METTL6: variants seen among roughly 807,000 people sequenced by gnomAD.
METTL6 encodes the protein tRNA N(3)-cytidine methyltransferase METTL6.
METTL6 carries 22 observed loss-of-function variants against 26.4 expected under a neutral mutation model. That is an observed-to-expected ratio of 0.83 (90% CI 0.59 to 1.19). The LOEUF is 1.19. METTL6 is among the 50% of genes most tolerant of loss of function. The pLI, the probability that METTL6 is intolerant of heterozygous loss-of-function variation, is 0.00. For synonymous variants in METTL6, 109 were observed against 116.2 expected (o/e 0.94, Z 0.40); for missense variants, 304 against 324.8 (o/e 0.94, Z 0.49).
At chr3:15,426,144 T>C (rs2061716330) in intron 2 of METTL6, 143 bp downstream of exon 2, 1 of 725,580 alleles carries the variant, frequency 1.4e-6, no homozygotes, top group Non-Finnish European at 2.3e-6. Flanking sequence ...TTTCATCATG[T>C]TGGCCAGGAT....
intron 6 of METTL6, among the ~76,000 whole-genome samples, chr3:15,396,253 C>G (rs1482080686): frequency 3.3e-5 from 5 of 152,134 alleles, no homozygotes; most frequent in Non-Finnish European, 7.3e-5. Context: ...TCTTCCATCA[C>G]TGATACCCTT....
chr3:15,417,981 A>T (rs1352895744), intron 3 of METTL6, among the ~76,000 whole-genome samples: 2 of 152,206 alleles, frequency 1.3e-5, no homozygotes, highest in African/African-American at 4.8e-5. Flanking sequence ...CCAAGAGAGG[A>T]GACAAAAACA....
At chr3:15,383,794 C>A (rs1699126291) in exon 7 of METTL6, 2 of 152,368 alleles carry the variant, frequency 1.3e-5, no homozygotes, top group Non-Finnish European at 2.9e-5. Context: ...CTTAAGCCAG[C>A]AGGGATGAAA....
intron 6 of METTL6, among the ~76,000 whole-genome samples, chr3:15,386,147 C>T (rs1376610968): frequency 6.6e-6 from 1 of 152,154 alleles, no homozygotes; most frequent in African/African-American, 2.4e-5. Context: ...GGGCAATTTC[C>T]AGAACTGAGG....
intron 3 of METTL6, among the ~76,000 whole-genome samples, chr3:15,420,218 T>C (rs890086758): frequency 6.6e-6 from 1 of 152,156 alleles, no homozygotes; most frequent in Non-Finnish European, 1.5e-5. Context: ...GTAAATAAAA[T>C]CTACATGTAC....
At chr3:15,413,613 A>G (rs948950190) in intron 5 of METTL6, 4 of 1,175,160 alleles carry the variant, frequency 3.4e-6, no homozygotes, top group Non-Finnish European at 4.3e-6. Context: ...GATCCAATCA[A>G]TTCTACAGAA....
At chr3:15,389,624 A>C (rs1211250155) in intron 6 of METTL6, among the ~76,000 whole-genome samples, 1 of 152,084 alleles carries the variant, frequency 6.6e-6, no homozygotes, top group East Asian at 1.9e-4. Flanking sequence ...ATCTCGGCTC[A>C]CCACAACCTC....
At chr3:15,422,288 T>G (rs1413693194) in intron 3 of METTL6, among the ~76,000 whole-genome samples, 1 of 152,042 alleles carries the variant, frequency 6.6e-6, no homozygotes, top group East Asian at 1.9e-4. Flanking sequence ...ACTGTGCAAC[T>G]GCACTCCATC....
Position 15,415,843 on chromosome 3 carries a change from C to T in METTL6, c.460G>A (p.Val154Ile). Residue 154 changes from valine (V) to isoleucine (I), a missense_variant, in exon 4 of 6, where the codon GTT becomes ATT. Physicochemically the swap from Val to Ile is conservative, Grantham distance 29. Coordinates refer to ENST00000383790, the MANE Select transcript of METTL6 (RefSeq NM_152396.4). ...DHVPPESVDV[V>I]MLIFVLSAVH... ...GCTGACAGCACAAATATCAACATAA[C>T]AACATCCACAGACTCTGGCGGTACA... 1.2e-6 allele frequency: 2 copies of T among 1,614,160 alleles called. No individual in the cohort carries two copies. Among genetic ancestry groups the T allele is most frequent in the Non-Finnish European group, 1.7e-6 (2 of 1,179,998 alleles).
chr3:15,388,089 TTTGTTG>T (rs71632851), intron 6 of METTL6, among the ~76,000 whole-genome samples: 11,182 of 150,434 alleles, frequency 0.074, 535 homozygotes, highest in African/African-American at 0.13. Context: ...AAATAAGAGT[TTTGTTG>T]TTGTTGTTGT....
chr3:15,397,709 C>T (rs1320111698), intron 6 of METTL6, among the ~76,000 whole-genome samples: 1 of 152,086 alleles, frequency 6.6e-6, no homozygotes, highest in Non-Finnish European at 1.5e-5. Flanking sequence ...CAAACTCAAT[C>T]ACCTTTGTAA....
chr3:15,415,005 T>A, intron 4 of METTL6: 1 of 1,097,288 alleles, frequency 9.1e-7, no homozygotes, highest in Non-Finnish European at 1.1e-6. Context: ...TTATTCACCA[T>A]CTCCTAGTAC....
intron 1 of METTL6, among the ~76,000 whole-genome samples, chr3:15,427,081 C>G (rs76341529): frequency 6.6e-6 from 1 of 152,180 alleles, no homozygotes; most frequent in Non-Finnish European, 1.5e-5. Flanking sequence ...GGAAATGAAG[C>G]TAAGCCTGGG....
intron 6 of METTL6, among the ~76,000 whole-genome samples, chr3:15,397,073 C>T (rs890150052): frequency 6.6e-6 from 1 of 152,206 alleles, no homozygotes; most frequent in African/African-American, 2.4e-5. Flanking sequence ...GCTATGCCCG[C>T]CCCCAGAAGT....
chr3:15,419,000 T>C (rs2061551828), intron 3 of METTL6, among the ~76,000 whole-genome samples: 1 of 152,064 alleles, frequency 6.6e-6, no homozygotes, highest in Admixed American at 6.6e-5. Context: ...ACCTCATCTC[T>C]ACAAAAAATT....
At position 15,398,386 on chromosome 3, in the gene METTL6, G is replaced by A. The variant is rs548950758; in HGVS notation, c.*11+12859C>T. 2.0e-5 allele frequency among the ~76,000 whole-genome samples: 3 copies of A among 152,170 alleles called. No individual in the cohort carries two copies. The South Asian group carries it at 6.2e-4, about 32-fold the overall frequency. ...TTTTTGTTTATTTAGTAGAGACAGG[G>A]TTTCACCATGTTGGCCAGGCTGGCC... On this transcript the variant is annotated intron_variant, in intron 6 of 6. Transcript: ENST00000443029.
Position 15,411,287 on chromosome 3 carries a change from G to A in METTL6, c.824C>T (p.Pro275Leu). The A allele has an allele frequency of 6.2e-7, 1 of 1,614,212 alleles. No homozygotes were observed. The highest frequency in any genetic ancestry group is 8.5e-7 in the Non-Finnish European group (1 of 1,180,024). The part of the protein sequence containing the change: ...KFLKPPKNPS[P>L]VVLGLDPKS ...CTTAGGATCCAGGCCCAGGACCACAGGAGATGGGTTCTTAGGAGGCTTTAG... is the reference window on the plus strand; with the variant it reads ...CTTAGGATCCAGGCCCAGGACCACAAGAGATGGGTTCTTAGGAGGCTTTAG... Residue 275 changes from proline to leucine, a missense_variant, in exon 6 of 6, where the codon CCT (proline) becomes CTT (leucine). Physicochemically the swap from Pro to Leu is moderately conservative, Grantham distance 98. Transcript: ENST00000383790.
At chr3:15,382,211 G>C (rs944845155) in exon 7 of METTL6, 1 of 151,864 alleles carries the variant, frequency 6.6e-6, no homozygotes, top group Non-Finnish European at 1.5e-5. Context: ...ATCTGTGCCC[G>C]GCCACTTTTC....
At chr3:15,412,851 GTTAA>G (rs1294486919) in intron 5 of METTL6, among the ~76,000 whole-genome samples, 1 of 152,110 alleles carries the variant, frequency 6.6e-6, no homozygotes, top group Non-Finnish European at 1.5e-5. Flanking sequence ...TAAAATAGAG[GTTAA>G]TTATCTTCCT....
Sources: allele counts gnomAD v4.1 joint callset (sites outside exome capture counted in the v4.1 genomes callset), GRCh38; gene constraint gnomAD v4.1.1; transcripts MANE v1.5; gene names NCBI Gene and HGNC (gene_info 2026-07-23, HGNC 2026-07-21).